PPEF2: variants seen among roughly 807,000 people sequenced by gnomAD.
The protein encoded by PPEF2 is protein phosphatase with EF-hand domain 2.
A neutral mutation model predicts 84.7 loss-of-function variants in PPEF2; 84 were observed. The observed-to-expected ratio is 0.99, with a 90% CI of 0.83 to 1.19. The LOEUF is 1.19. Ranked by LOEUF, PPEF2 falls within the 50% of genes most tolerant of loss-of-function variation. The pLI is 0.00. For synonymous variants in PPEF2, 346 were observed against 345.2 expected, an observed-to-expected ratio of 1.00 and a Z score of -0.03; for missense variants, 924 against 937.5, an observed-to-expected ratio of 0.99 and a Z score of 0.19.
At chr4:75,864,369 G>A in intron 16 of PPEF2, 71 bp downstream of exon 16, 1 of 1,159,052 alleles carries the variant, frequency 8.6e-7, no homozygotes, top group East Asian at 2.4e-5. Context: ...GATGAATCAG[G>A]AAGGAGATTA....
intron 10 of PPEF2, 122 bp from the exon 11 acceptor site, chr4:75,876,795 C>A: frequency 9.1e-7 from 1 of 1,099,716 alleles, no homozygotes; most frequent in Non-Finnish European, 1.2e-6. Context: ...CACTCAAGCC[C>A]GGGAGTTCAA....
intron 15 of PPEF2, among the ~76,000 whole-genome samples, chr4:75,864,976 G>A (rs1724092671): frequency 6.6e-6 from 1 of 152,112 alleles, no homozygotes; most frequent in African/African-American, 2.4e-5. Context: ...CACTCTTGTT[G>A]TCCAGGCTGG....
intron 15 of PPEF2, among the ~76,000 whole-genome samples, 171 bp from the exon 16 acceptor site, chr4:75,864,698 T>A (rs1328887748): frequency 6.6e-6 from 1 of 152,106 alleles, no homozygotes; most frequent in African/African-American, 2.4e-5. Flanking sequence ...TCTAGTGGTT[T>A]AAGAAGCACC....
At chr4:75,886,713 C>T (rs1204380217) in intron 7 of PPEF2, 139 bp downstream of exon 7, 7 of 395,172 alleles carry the variant, frequency 1.8e-5, no homozygotes, top group Non-Finnish European at 3.1e-5. Context: ...GATTGAGACC[C>T]CCATCTCAAA....
intron 2 of PPEF2, among the ~76,000 whole-genome samples, chr4:75,894,441 C>A (rs550855503): frequency 4.8e-4 from 73 of 152,294 alleles, no homozygotes; most frequent in African/African-American, 1.6e-3. Context: ...CCCTCACACT[C>A]CAACACATTA....
chr4:75,889,531 A>G (rs1724823202), intron 5 of PPEF2, among the ~76,000 whole-genome samples: 1 of 152,202 alleles, frequency 6.6e-6, no homozygotes, highest in Non-Finnish European at 1.5e-5. Flanking sequence ...AACTTAGTTT[A>G]TTCTTTTCCA....
chr4:75,864,449 C>T lies in PPEF2; in HGVS notation c.1999G>A (p.Asp667Asn). Residue 667 changes from aspartate (D) to asparagine (N), a missense_variant, in exon 16 of 17, where the codon GAT becomes AAT. Coordinates refer to ENST00000286719, the MANE Select transcript of PPEF2 (RefSeq NM_006239.3). ...TAATGAGTGCCTTTACCTGAATGAT[C>T]ACTGTCTATGATCCTAAAAATGGTC... The part of the protein sequence containing the change: ...LETIFRIIDS[D>N]HSGFISLDEF... The T allele has an allele frequency of 6.2e-7, 1 of 1,603,078 alleles. No individual in the cohort carries two copies. Among genetic ancestry groups the T allele is most frequent in the South Asian group, 1.1e-5 (1 of 90,790 alleles).
At chr4:75,896,419 G>T (rs900460947) in intron 1 of PPEF2, 36 bp from the exon 2 acceptor site, 1 of 1,383,324 alleles carries the variant, frequency 7.2e-7, no homozygotes, top group East Asian at 2.3e-5. Context: ...AATAGGAGAT[G>T]CAGGCAGAGT....
chr4:75,876,296 C>T lies in PPEF2; in HGVS notation c.1311G>A (p.Glu437=), dbSNP rs375630326. Residue 437 remains glutamate, a synonymous_variant, in exon 11 of 17, where the codon GAG becomes GAA. Transcript: ENST00000286719. ...AGELRKPTQE[E]WRQVVDILWS... is the part of the protein sequence containing the mutation. ...GCCTGGCCACGCTCACCTGCCTCCACTCCTCCTGAGTGGGCTTCCGCAGCT... is the reference window on the plus strand; with the variant it reads ...GCCTGGCCACGCTCACCTGCCTCCATTCCTCCTGAGTGGGCTTCCGCAGCT... The T allele has an allele frequency of 2.2e-5, 35 of 1,603,362 alleles. No individual in the cohort carries two copies. In the African/African-American group the frequency reaches 3.9e-4, roughly 18 times the overall value.
At chr4:75,885,266 T>A (rs1724692053) in intron 7 of PPEF2, among the ~76,000 whole-genome samples, 1 of 152,202 alleles carries the variant, frequency 6.6e-6, no homozygotes, top group Admixed American at 6.5e-5. Context: ...TTGATAATAA[T>A]CAGTTTTCTT....
chr4:75,897,410 C>A (rs1353228393), intron 1 of PPEF2, among the ~76,000 whole-genome samples: 1 of 152,180 alleles, frequency 6.6e-6, no homozygotes, highest in South Asian at 2.1e-4. Context: ...CTGTCTCCAT[C>A]CCAGATGATC....
chr4:75,901,641 G>A (rs921544705), intron 1 of PPEF2, among the ~76,000 whole-genome samples: 1 of 152,176 alleles, frequency 6.6e-6, no homozygotes, highest in African/African-American at 2.4e-5. Context: ...GCCCGAGATT[G>A]TTGAATCAGC....
intron 2 of PPEF2, among the ~76,000 whole-genome samples, chr4:75,895,256 C>A (rs534334135): frequency 2.2e-4 from 33 of 149,806 alleles, no homozygotes; most frequent in African/African-American, 7.9e-4. Context: ...GGTGAAGCCC[C>A]GTCTCTACTA....
At position 75,890,130 on chromosome 4, in the gene PPEF2, C is replaced by T; in HGVS notation, c.244G>A (p.Asp82Asn). 1 of 1,613,770 alleles carries T rather than the reference C, an allele frequency of 6.2e-7. No individual in the cohort carries two copies. Among genetic ancestry groups the T allele is most frequent in the Non-Finnish European group, 8.5e-7 (1 of 1,179,928 alleles). The change falls in exon 5 of 17, where the codon GAC (aspartate) becomes AAC (asparagine). Residue 82 changes from aspartate to asparagine, a missense_variant and splice_region_variant. Coordinates refer to ENST00000286719, the MANE Select transcript of PPEF2 (RefSeq NM_006239.3). Reference protein sequence around the residue: ...HFIPSSHNDRDFLTRIFTEDR... With the variant: ...HFIPSSHNDRNFLTRIFTEDR... Reference sequence around the variant, plus strand: ...TCAGTGAATATGCGGGTCAGGAAGTCCCCTAGTCCAGATAGAAAAGGTGGA... The same window carrying T: ...TCAGTGAATATGCGGGTCAGGAAGTTCCCTAGTCCAGATAGAAAAGGTGGA...
At chr4:75,865,039 C>T (rs1028508782) in intron 15 of PPEF2, among the ~76,000 whole-genome samples, 1 of 151,972 alleles carries the variant, frequency 6.6e-6, no homozygotes, top group Non-Finnish European at 1.5e-5. Flanking sequence ...CGGGTTCAAG[C>T]GATTCTCCTG....
In PPEF2 at chr4:75,884,742, C is replaced by T. The variant is rs1178385303; in HGVS notation, c.598G>A (p.Glu200Lys). 6.3e-7 allele frequency: 1 copy of T among 1,593,934 alleles called. No individual in the cohort carries two copies. The highest frequency in any genetic ancestry group is 1.8e-5 in the Admixed American group (1 of 54,064). ...IFYKNGLPSP[E>K]RSYVFNGDFV... Reference sequence around the variant, plus strand: ...TCACCGTTGAACACATATGACCGTTCTGGCGACGGGAGGCCATTCTTTTCA... The same window carrying T: ...TCACCGTTGAACACATATGACCGTTTTGGCGACGGGAGGCCATTCTTTTCA... The change falls in exon 8 of 17, where the codon GAA (glutamate) becomes AAA (lysine). Residue 200 changes from glutamate (E) to lysine (K), a missense_variant. Coordinates refer to ENST00000286719, the MANE Select transcript of PPEF2 (RefSeq NM_006239.3).
At chr4:75,885,219 A>C (rs1275251645) in intron 7 of PPEF2, among the ~76,000 whole-genome samples, 1 of 152,254 alleles carries the variant, frequency 6.6e-6, no homozygotes, top group East Asian at 1.9e-4. Context: ...TCTACACATT[A>C]TAACTAAAAT....
intron 8 of PPEF2, chr4:75,883,510 T>G: frequency 3.0e-6 from 1 of 331,924 alleles, no homozygotes; most frequent in South Asian, 4.7e-5. Flanking sequence ...AATAGTAAAA[T>G]AATGTGTAAA....
rs758041408 is a variant in PPEF2, at chr4:75,873,208, C to G, written c.1425G>C (p.Leu475Phe). Residue 475 changes from leucine to phenylalanine, a missense_variant, in exon 12 of 17, where the codon TTG becomes TTC. Coordinates refer to ENST00000286719, the MANE Select transcript of PPEF2 (RefSeq NM_006239.3). ...CYFGPDVTQQ[L>F]LQKYNMQFLI... The stretch of plus-strand genomic sequence containing the variant: ...GGAATTGCATGTTGTATTTTTGTAG[C>G]AACTGTTGTGTCACATCAGGCCCAA... 1 of 1,614,052 alleles carries G rather than the reference C, an allele frequency of 6.2e-7. No individual in the cohort carries two copies. Among genetic ancestry groups the G allele is most frequent in the Non-Finnish European group, 8.5e-7 (1 of 1,179,932 alleles).
Sources: gnomAD v4.1 joint callset for allele counts (sites outside exome capture counted in the v4.1 genomes callset) on GRCh38, gnomAD v4.1.1 for gene constraint, MANE v1.5 for transcripts, NCBI Gene and HGNC (gene_info 2026-07-23, HGNC 2026-07-21) for gene names.